LIPH: variants seen among roughly 807,000 people sequenced by gnomAD.
LIPH encodes the protein lipase member H.
In LIPH, 32 loss-of-function variants were observed where a neutral mutation model predicts 47.6. That is an observed-to-expected ratio of 0.67 (90% CI 0.51 to 0.90). The LOEUF (loss-of-function observed/expected upper bound fraction) is 0.90. Among genes scored for constraint, LIPH ranks in the 40% least tolerant of loss-of-function variants. The probability of loss-of-function intolerance (pLI) is 0.00; values close to 1 mark genes in which losing one functional copy is unlikely to be tolerated. For missense variants in LIPH, 497 were observed against 541.4 expected (o/e 0.92, Z 0.81); for synonymous variants, 190 against 195.6 (o/e 0.97, Z 0.24).
intron 2 of LIPH, among the ~76,000 whole-genome samples, chr3:185,534,491 T>C (rs757975241): frequency 1.3e-5 from 2 of 152,206 alleles, no homozygotes; most frequent in Non-Finnish European, 2.9e-5. Flanking sequence ...TGTCATCATC[T>C]GGTGGAAATT....
In LIPH at chr3:185,552,405, A is replaced by G. The variant is rs768571582; in HGVS notation, c.49+18T>C. 2 of 1,566,556 alleles carry G rather than the reference A, an allele frequency of 1.3e-6. No homozygotes were observed. Among genetic ancestry groups the G allele is most frequent in the South Asian group, 2.2e-5 (2 of 90,070 alleles). ...TATTTTTTAAGCAGTTAAGAAAACCAGTTTGTAAATAACCTACCTGATCTT... is the reference window on the plus strand; with the variant it reads ...TATTTTTTAAGCAGTTAAGAAAACCGGTTTGTAAATAACCTACCTGATCTT... On this transcript the variant is annotated intron_variant, in intron 1 of 9. Transcript: ENST00000296252.
intron 6 of LIPH, among the ~76,000 whole-genome samples, chr3:185,518,460 T>A (rs935057126): frequency 8.6e-5 from 13 of 151,928 alleles, no homozygotes; most frequent in Non-Finnish European, 1.5e-4. Flanking sequence ...TTTTGTATTT[T>A]TAGTAGAGAT....
intron 1 of LIPH, among the ~76,000 whole-genome samples, chr3:185,537,160 C>T (rs1200232920): frequency 1.3e-5 from 2 of 152,222 alleles, no homozygotes; most frequent in African/African-American, 4.8e-5. Context: ...GTTGGGATTA[C>T]AGGCGTGAGC....
intron 1 of LIPH, among the ~76,000 whole-genome samples, chr3:185,536,733 C>T (rs1006161865): frequency 3.3e-5 from 5 of 151,972 alleles, no homozygotes; most frequent in Non-Finnish European, 7.4e-5. Flanking sequence ...GAAATTTACA[C>T]GTGGCTAGAT....
rs1719448546 is a variant in LIPH, at chr3:185,508,449, A to C, written c.*341T>G. On this transcript the variant is annotated 3_prime_UTR_variant, in exon 10 of 10. Transcript: ENST00000296252. Reference sequence around the variant, plus strand: ...GGCCTCCAGTCCGTCCTTCCCTTGAAGATGCTTGACCCGCAGCCGCGATGG... The same window carrying C: ...GGCCTCCAGTCCGTCCTTCCCTTGACGATGCTTGACCCGCAGCCGCGATGG... 1 of 322,902 alleles carries C rather than the reference A, an allele frequency of 3.1e-6. No homozygotes were observed. Among genetic ancestry groups the C allele is most frequent in the Non-Finnish European group, 6.0e-6 (1 of 167,622 alleles). 20.0% of individuals were successfully genotyped at this position (322,902 alleles called of 1,614,324 possible).
chr3:185,525,198 A>C (rs1720030863), intron 4 of LIPH, among the ~76,000 whole-genome samples: 2 of 152,040 alleles, frequency 1.3e-5, no homozygotes, highest in Admixed American at 1.3e-4. Context: ...GGTGACAGAG[A>C]CAGACCCTGT....
chr3:185,525,840 C>A (rs1452649564), intron 4 of LIPH, among the ~76,000 whole-genome samples: 2 of 152,182 alleles, frequency 1.3e-5, no homozygotes, highest in Non-Finnish European at 2.9e-5. Flanking sequence ...GAGACAATTT[C>A]TTTCAAGGCA....
intron 1 of LIPH, among the ~76,000 whole-genome samples, chr3:185,544,339 GTTTTT>G (rs1030642339): frequency 6.7e-6 from 1 of 148,382 alleles, no homozygotes; most frequent in East Asian, 2.0e-4. Context: ...TTCCTCTGTT[GTTTTT>G]TTTTGTTTTG....
At chr3:185,538,787 A>ATATACATATATATG (rs59686590) in intron 1 of LIPH, among the ~76,000 whole-genome samples, 1 of 19,644 alleles carries the variant, frequency 5.1e-5, no homozygotes, top group African/African-American at 1.2e-4. Context: ...ACACACATAT[A>ATATACATATATATG]TACATATATA....
chr3:185,533,764 G>A (rs1720414803), intron 2 of LIPH, 85 bp from the exon 3 acceptor site: 1 of 878,504 alleles, frequency 1.1e-6, no homozygotes, highest in Admixed American at 1.8e-5. Context: ...GTTGACTTTG[G>A]AGAAGTAATT....
intron 6 of LIPH, 78 bp downstream of exon 6, chr3:185,519,064 C>T: frequency 8.0e-7 from 1 of 1,245,190 alleles, no homozygotes; most frequent in South Asian, 1.2e-5. Context: ...CCAGTTTTTA[C>T]ATGATAAAGT....
chr3:185,516,772 A>G (rs1719742218), intron 7 of LIPH, among the ~76,000 whole-genome samples: 1 of 152,172 alleles, frequency 6.6e-6, no homozygotes, highest in Non-Finnish European at 1.5e-5. Flanking sequence ...ATTTGTTGAG[A>G]TTTTATTAAA....
chr3:185,552,366 AAC>A, intron 1 of LIPH, 55 bp downstream of exon 1: 20 of 1,200,800 alleles, frequency 1.7e-5, no homozygotes, highest in Non-Finnish European at 2.2e-5. Context: ...GCAAAATGAC[AAC>A]ACAACTAATT....
At chr3:185,532,400 T>C (rs985857850) in intron 3 of LIPH, among the ~76,000 whole-genome samples, 10 of 151,528 alleles carry the variant, frequency 6.6e-5, no homozygotes, top group Admixed American at 2.6e-4. Context: ...TAGTCCCAGC[T>C]ACTTGAGAGG....
rs1368717012 is a variant in LIPH, at chr3:185,533,630, C to T, written c.467G>A (p.Gly156Glu). ...TCCAACAAACCCAGATATGTGGGCT[C>T]CTAGACTTACTCCGATCATGTAAAT... ...DDIYMIGVSLGAHISGFVGEM... is the reference protein window; with the variant it reads ...DDIYMIGVSLEAHISGFVGEM... Residue 156 changes from glycine to glutamate, a missense_variant, in exon 3 of 10, where the codon GGA becomes GAA. Transcript: ENST00000296252. 6.2e-7 allele frequency: 1 copy of T among 1,614,056 alleles called. No individual in the cohort carries two copies. Among genetic ancestry groups the T allele is most frequent in the South Asian group, 1.1e-5 (1 of 91,078 alleles).
At chr3:185,539,456 GC>G (rs112739242) in intron 1 of LIPH, among the ~76,000 whole-genome samples, 56,896 of 150,950 alleles carry the variant, frequency 0.38, 10,820 homozygotes, top group Non-Finnish European at 0.4. Flanking sequence ...TGCAACATCG[GC>G]CCCCCCGGGT....
chr3:185,523,347 A>T (rs148679256), intron 5 of LIPH, among the ~76,000 whole-genome samples: 309 of 152,318 alleles, frequency 2.0e-3, no homozygotes, highest in Non-Finnish European at 3.0e-3. Flanking sequence ...CTTCTCAGGA[A>T]GTTTGTTTTC....
In LIPH at chr3:185,511,742, T is replaced by C. The variant is rs75005551; in HGVS notation, c.1095-45A>G. On this transcript the variant is annotated intron_variant, in intron 8 of 9. Coordinates refer to ENST00000296252, the MANE Select transcript of LIPH (RefSeq NM_139248.3). ...CTGAAAAATGGATAAAGACTACTAA[T>C]GAGAGAAAGCAGTTTTGAAGCCTGC... 1.2e-4 allele frequency: 175 copies of C among 1,423,374 alleles called. 1 individual carries two copies. In the East Asian group the frequency reaches 3.9e-3, roughly 32 times the overall value. The allele number at this position is 1,423,374 out of a possible 1,614,324, so 88.2% of individuals were successfully genotyped here.
At chr3:185,536,755 G>A (rs1720514883) in intron 1 of LIPH, among the ~76,000 whole-genome samples, 1 of 152,078 alleles carries the variant, frequency 6.6e-6, no homozygotes, top group African/African-American at 2.4e-5. Context: ...TTACTTGTTG[G>A]TTACACTTAA....
Sources: allele counts gnomAD v4.1 joint callset (sites outside exome capture counted in the v4.1 genomes callset), GRCh38; gene constraint gnomAD v4.1.1; transcripts MANE v1.5; gene names NCBI Gene and HGNC (gene_info 2026-07-23, HGNC 2026-07-21).